Variants in DOCK4 observed in about 807,000 individuals in gnomAD.
DOCK4 encodes dedicator of cytokinesis protein 4.
A neutral mutation model predicts 268.1 loss-of-function variants in DOCK4; 97 were observed. The observed-to-expected ratio is 0.36, with a 90% CI of 0.31 to 0.43. The LOEUF (loss-of-function observed/expected upper bound fraction) is 0.43. Ranked by LOEUF, DOCK4 falls within the 20% of genes least tolerant of loss-of-function variation. The probability of loss-of-function intolerance (pLI) is 1.00; values close to 1 mark genes in which losing one functional copy is unlikely to be tolerated. For missense variants in DOCK4, 2,145 were observed against 2,455.7 expected (o/e 0.87, Z 2.67); for synonymous variants, 954 against 887.2 (o/e 1.08, Z -1.34).
At chr7:112,110,024 G>A (rs947489598) in intron 1 of DOCK4, among the ~76,000 whole-genome samples, 3 of 152,054 alleles carry the variant, frequency 2.0e-5, no homozygotes, top group Non-Finnish European at 2.9e-5. Flanking sequence ...GATTACAGGC[G>A]TGAGCCACCG....
chr7:111,972,750 C>A (rs770410102), intron 8 of DOCK4, among the ~76,000 whole-genome samples: 1 of 152,028 alleles, frequency 6.6e-6, no homozygotes, highest in Non-Finnish European at 1.5e-5. Context: ...TATATACATA[C>A]TACCTAGATT....
chr7:112,177,401 C>T (rs1385460624), intron 1 of DOCK4, among the ~76,000 whole-genome samples: 2 of 152,192 alleles, frequency 1.3e-5, no homozygotes, highest in African/African-American at 2.4e-5. Context: ...TAGCCTGATA[C>T]CTGGCAAACA....
At chr7:112,028,708 C>T (rs976555154) in intron 1 of DOCK4, among the ~76,000 whole-genome samples, 7 of 152,216 alleles carry the variant, frequency 4.6e-5, no homozygotes, top group African/African-American at 1.7e-4. Flanking sequence ...GACAGCAGTG[C>T]TCTGCTCTCT....
At chr7:111,832,984 G>A (rs10238664) in intron 26 of DOCK4, among the ~76,000 whole-genome samples, 56,246 of 152,094 alleles carry the variant, frequency 0.37, 15,167 homozygotes, top group African/African-American at 0.77. Flanking sequence ...TGGATAATTA[G>A]TCATGTCTTT....
chr7:111,812,037 A>G, intron 27 of DOCK4, 88 bp from the exon 28 acceptor site: 1 of 682,974 alleles, frequency 1.5e-6, no homozygotes, highest in South Asian at 2.2e-5. Flanking sequence ...AAGATAAAAT[A>G]AAACCTTCTT....
chr7:111,897,240 C>T (rs1283891693), intron 15 of DOCK4, among the ~76,000 whole-genome samples: 1 of 152,042 alleles, frequency 6.6e-6, no homozygotes, highest in Non-Finnish European at 1.5e-5. Flanking sequence ...ATTATTCGTC[C>T]TCATCTTATT....
chr7:112,058,900 G>A (rs1410134939), intron 1 of DOCK4, among the ~76,000 whole-genome samples: 2 of 152,098 alleles, frequency 1.3e-5, no homozygotes, highest in Non-Finnish European at 2.9e-5. Context: ...AGAAGGAAAA[G>A]CTCTTGCTAA....
At chr7:111,862,994 C>A in intron 23 of DOCK4, 1 of 218,074 alleles carries the variant, frequency 4.6e-6, no homozygotes. Context: ...ACCACTTGCT[C>A]TTGGGGTAAA....
chr7:112,119,997 A>C (rs573114789), intron 1 of DOCK4, among the ~76,000 whole-genome samples: 23 of 151,772 alleles, frequency 1.5e-4, no homozygotes, highest in Middle Eastern at 3.4e-3. Flanking sequence ...ACAGGTGCCC[A>C]CCACCACAAC....
chr7:111,830,002 C>T lies in DOCK4; in HGVS notation c.2835+4586G>A, dbSNP rs1802694740. Among the ~76,000 whole-genome samples the T allele has an allele frequency of 2.0e-5, 3 of 152,026 alleles. No individual in the cohort carries two copies. The South Asian group carries it at 6.2e-4, about 31-fold the overall frequency. ...TCTGATTTCTGAAGTAAAATTGGTA[C>T]TAAGGACTTTGTATAAGGGTCTAGG... On this transcript the variant is annotated intron_variant, in intron 26 of 52. Coordinates refer to ENST00000428084, the MANE Select transcript of DOCK4 (RefSeq NM_001363540.2).
chr7:111,961,658 G>A (rs558918490), intron 8 of DOCK4, among the ~76,000 whole-genome samples: 16 of 152,172 alleles, frequency 1.1e-4, no homozygotes, highest in Non-Finnish European at 2.2e-4. Context: ...TCTGAATCAA[G>A]GCTCGTGCTT....
At chr7:111,827,759 G>C (rs1043028274) in intron 26 of DOCK4, among the ~76,000 whole-genome samples, 3 of 152,244 alleles carry the variant, frequency 2.0e-5, no homozygotes, top group Admixed American at 6.5e-5. Context: ...TGTTTAGAAG[G>C]GGGTGGAGGA....
chr7:111,858,173 A>T (rs914283160), intron 23 of DOCK4, among the ~76,000 whole-genome samples: 3 of 152,074 alleles, frequency 2.0e-5, no homozygotes, highest in African/African-American at 7.2e-5. Flanking sequence ...TTCAGACAAC[A>T]TTTCATTCCC....
At chr7:112,165,863 G>A (rs551481434) in intron 1 of DOCK4, among the ~76,000 whole-genome samples, 2 of 151,980 alleles carry the variant, frequency 1.3e-5, no homozygotes, top group Non-Finnish European at 2.9e-5. Context: ...AAACATCCTC[G>A]TCACGTTTCC....
In DOCK4 at chr7:112,088,357, G is replaced by T. The variant is rs187406014; in HGVS notation, c.38-84226C>A. On this transcript the variant is annotated intron_variant, in intron 1 of 52. Coordinates refer to ENST00000428084, the MANE Select transcript of DOCK4 (RefSeq NM_001363540.2). ...ATATCCCCTTTTAATTCTTTGAAAG[G>T]TTAGATGTTTATAGATAAAAAAATG... Among the ~76,000 whole-genome samples, 653 of 152,190 alleles carry T rather than the reference G, an allele frequency of 4.3e-3. 1 individual carries two copies. Among genetic ancestry groups the T allele is most frequent in the Non-Finnish European group, 6.9e-3 (472 of 67,984 alleles).
chr7:112,176,592 T>C (rs1185398246), intron 1 of DOCK4, among the ~76,000 whole-genome samples: 1 of 152,178 alleles, frequency 6.6e-6, no homozygotes, highest in Non-Finnish European at 1.5e-5. Flanking sequence ...TTCTTCAGGA[T>C]CAAAACAGAA....
chr7:111,872,648 T>C (rs1395034275), intron 17 of DOCK4, 84 bp from the exon 18 acceptor site: 18 of 1,163,222 alleles, frequency 1.5e-5, no homozygotes, highest in Non-Finnish European at 2.2e-5. Flanking sequence ...AAAGTAAAAT[T>C]CTTAACACAT....
At chr7:112,123,263 T>A (rs1277730555) in intron 1 of DOCK4, among the ~76,000 whole-genome samples, 1 of 152,158 alleles carries the variant, frequency 6.6e-6, no homozygotes, top group Non-Finnish European at 1.5e-5. Context: ...ATAAAGAACT[T>A]TAACTTCATC....
intron 13 of DOCK4, among the ~76,000 whole-genome samples, chr7:111,912,037 G>C (rs1398513334): frequency 1.3e-5 from 2 of 152,170 alleles, no homozygotes; most frequent in African/African-American, 4.8e-5. Context: ...AGCTAGGTCA[G>C]GTCATCTGAG....
Sources: gnomAD v4.1 joint callset for allele counts (sites outside exome capture counted in the v4.1 genomes callset) on GRCh38, gnomAD v4.1.1 for gene constraint, MANE v1.5 for transcripts, NCBI Gene and HGNC (gene_info 2026-07-23, HGNC 2026-07-21) for gene names.